Variants in RBPMS observed in about 807,000 individuals in gnomAD.
RBPMS encodes RNA binding protein, mRNA processing factor.
Under a neutral mutation model 26.8 loss-of-function variants are expected in RBPMS, and 7 were observed. The observed-to-expected ratio is 0.26, with a 90% CI of 0.15 to 0.49. RBPMS has a LOEUF of 0.49. Ranked by LOEUF, RBPMS falls within the 20% of genes least tolerant of loss-of-function variation. The pLI is 0.98. For missense variants in RBPMS, 186 were observed against 250.0 expected (o/e 0.74, Z 1.73); for synonymous variants, 96 against 93.3 (o/e 1.03, Z -0.17).
intron 1 of RBPMS, among the ~76,000 whole-genome samples, chr8:30,463,859 T>C (rs1163629678): frequency 1.3e-5 from 2 of 152,156 alleles, no homozygotes; most frequent in African/African-American, 4.8e-5. Flanking sequence ...TGAATGCATA[T>C]TCGAACTCAC....
chr8:30,496,506 GA>G, intron 4 of RBPMS, among the ~76,000 whole-genome samples: 1 of 152,186 alleles, frequency 6.6e-6, no homozygotes, highest in Middle Eastern at 3.4e-3. Flanking sequence ...GGAGTAGGGG[GA>G]AAGGGCAATG....
At chr8:30,386,758 A>T (rs1807146751) in intron 1 of RBPMS, among the ~76,000 whole-genome samples, 1 of 152,232 alleles carries the variant, frequency 6.6e-6, no homozygotes, top group African/African-American at 2.4e-5. Context: ...TCATCGCTTC[A>T]GAAATCTTTC....
At chr8:30,446,842 T>TGTGCGC (rs1439127078) in intron 1 of RBPMS, 6 of 65,580 alleles carry the variant, frequency 9.1e-5, no homozygotes, top group Non-Finnish European at 1.0e-4. Context: ...TGTGTGTGTG[T>TGTGCGC]GCGCGCGCGC....
At chr8:30,551,422 A>G (rs879712388) in intron 6 of RBPMS, among the ~76,000 whole-genome samples, 2 of 152,174 alleles carry the variant, frequency 1.3e-5, no homozygotes, top group Admixed American at 1.3e-4. Flanking sequence ...TTCCGTAGAA[A>G]TCACAGTATT....
intron 5 of RBPMS, among the ~76,000 whole-genome samples, chr8:30,518,686 A>ATTTTT (rs1563402271): frequency 1.2e-4 from 1 of 8,108 alleles, no homozygotes; most frequent in Non-Finnish European, 3.3e-4. Context: ...GCCAAGCATG[A>ATTTTT]CTTTTTTTTT....
intron 6 of RBPMS, chr8:30,549,550 T>C (rs1207416733): frequency 6.2e-7 from 1 of 1,614,024 alleles, no homozygotes; most frequent in Non-Finnish European, 8.5e-7. Flanking sequence ...GCGCTCCGTC[T>C]CCTGATAGTG....
intron 5 of RBPMS, among the ~76,000 whole-genome samples, chr8:30,527,729 T>C (rs74919390): frequency 1.4e-4 from 21 of 151,952 alleles, no homozygotes; most frequent in African/African-American, 4.3e-4. Context: ...AAATGAAAGA[T>C]TGGAAAGAGG....
At chr8:30,459,154 A>T (rs541126841) in intron 1 of RBPMS, among the ~76,000 whole-genome samples, 1 of 151,122 alleles carries the variant, frequency 6.6e-6, no homozygotes, top group Non-Finnish European at 1.5e-5. Context: ...TGGAGACAGG[A>T]TTTCACCATA....
chr8:30,544,453 G>A, intron 5 of RBPMS, 41 bp from the exon 6 acceptor site: 1 of 1,595,052 alleles, frequency 6.3e-7, no homozygotes, highest in Non-Finnish European at 8.6e-7. Flanking sequence ...GAAACTAGCT[G>A]TATGGTAACC....
At chr8:30,448,569 G>C (rs1025397172) in intron 1 of RBPMS, among the ~76,000 whole-genome samples, 5 of 152,168 alleles carry the variant, frequency 3.3e-5, no homozygotes, top group African/African-American at 1.2e-4. Context: ...ACGAAGCAGA[G>C]AAAAAAGCCT....
rs548388433 is a variant in RBPMS, at chr8:30,520,464, AG to A, written c.397+16032del. ...GCAGTCATTATTCTTTCTGATGCTC[AG>A]GGGCAGGGAAGGGACAGTATCTTTT... On this transcript the variant is annotated intron_variant, in intron 5 of 8. Coordinates refer to ENST00000397323, the MANE Select transcript of RBPMS (RefSeq NM_001008710.3). Among the ~76,000 whole-genome samples the A allele has an allele frequency of 2.6e-5, 4 of 152,204 alleles. No homozygotes were observed. In the East Asian group the frequency reaches 7.7e-4, roughly 29 times the overall value.
At chr8:30,434,704 GA>G (rs57092916) in intron 1 of RBPMS, among the ~76,000 whole-genome samples, 20,506 of 99,182 alleles carry the variant, frequency 0.21, 3,763 homozygotes, top group African/African-American at 0.51. Context: ...ACTCTGCCTC[GA>G]AAAAAAAAAA....
intron 1 of RBPMS, among the ~76,000 whole-genome samples, chr8:30,455,822 G>A (rs566247281): frequency 8.5e-5 from 13 of 152,224 alleles, no homozygotes; most frequent in South Asian, 8.3e-4. Context: ...CACAGGAGGC[G>A]GAGCTTGCAG....
At chr8:30,477,143 C>G (rs191593679) in intron 2 of RBPMS, among the ~76,000 whole-genome samples, 1 of 152,174 alleles carries the variant, frequency 6.6e-6, no homozygotes, top group Non-Finnish European at 1.5e-5. Flanking sequence ...AGCTCTGCCT[C>G]CCGGGTTCAT....
intron 8 of RBPMS, among the ~76,000 whole-genome samples, chr8:30,569,440 G>A (rs556436727): frequency 1.3e-5 from 2 of 152,314 alleles, no homozygotes; most frequent in African/African-American, 4.8e-5. Context: ...AGAGGCATGA[G>A]TTCTGAAAGA....
At position 30,477,785 on chromosome 8, in the gene RBPMS, T is replaced by G. The variant is rs891953945; in HGVS notation, c.145-14T>G. On this transcript the variant is annotated splice_polypyrimidine_tract_variant and intron_variant, in intron 2 of 8. Transcript: ENST00000397323. ...AGTTACTTTTGGCTAAACTTGGTTT[T>G]TCTTTATTTTCAGGGCTATGAGGGT... 6.3e-7 allele frequency: 1 copy of G among 1,599,328 alleles called. No homozygotes were observed. The highest frequency in any genetic ancestry group is 8.6e-7 in the Non-Finnish European group (1 of 1,168,194).
At chr8:30,442,189 G>A (rs1463349608) in intron 1 of RBPMS, among the ~76,000 whole-genome samples, 1 of 152,136 alleles carries the variant, frequency 6.6e-6, no homozygotes, top group Non-Finnish European at 1.5e-5. Flanking sequence ...ACCTAAGAGC[G>A]CGTGGCTACT....
chr8:30,502,156 T>TA (rs1326839993), intron 4 of RBPMS, among the ~76,000 whole-genome samples: 11 of 149,818 alleles, frequency 7.3e-5, no homozygotes, highest in South Asian at 4.3e-4. Context: ...TTTTTTTTTT[T>TA]AAATAAGGAT....
intron 5 of RBPMS, among the ~76,000 whole-genome samples, chr8:30,523,392 GTAA>G (rs1278135572): frequency 2.0e-5 from 3 of 150,066 alleles, no homozygotes; most frequent in Admixed American, 6.7e-5. Flanking sequence ...AAAAAAAAAA[GTAA>G]TAATGATGAT....
Sources: gnomAD v4.1 joint callset for allele counts (sites outside exome capture counted in the v4.1 genomes callset) on GRCh38, gnomAD v4.1.1 for gene constraint, MANE v1.5 for transcripts, NCBI Gene and HGNC (gene_info 2026-07-23, HGNC 2026-07-21) for gene names.